Variants in CNTN6 observed in about 807,000 individuals in gnomAD.
The protein encoded by CNTN6 is contactin 6.
A neutral mutation model predicts 122.8 loss-of-function variants in CNTN6; 137 were observed. The ratio of observed to expected loss-of-function variants is 1.12; its 90% CI spans 0.97 to 1.29. CNTN6 has a LOEUF of 1.29. CNTN6 is among the 50% of genes most tolerant of loss of function. CNTN6 has a pLI of 0.00. For missense variants in CNTN6, 1,634 were observed against 1,223.4 expected (o/e 1.34, Z -5.01); for synonymous variants, 570 against 426.0 (o/e 1.34, Z -4.16).
intron 8 of CNTN6, among the ~76,000 whole-genome samples, chr3:1,324,106 C>A (rs1332966038): frequency 6.7e-6 from 1 of 149,536 alleles, no homozygotes; most frequent in Non-Finnish European, 1.5e-5. Context: ...TCTAGTTCTT[C>A]TAAGTTTTGC....
chr3:1,340,243 G>T (rs1044027794), intron 11 of CNTN6, among the ~76,000 whole-genome samples: 1 of 152,024 alleles, frequency 6.6e-6, no homozygotes, highest in Admixed American at 6.6e-5. Context: ...GGAATTCAAG[G>T]CAGTCCTTCA....
At chr3:1,233,993 T>C (rs2094390989) in intron 4 of CNTN6, among the ~76,000 whole-genome samples, 1 of 152,100 alleles carries the variant, frequency 6.6e-6, no homozygotes, top group African/African-American at 2.4e-5. Context: ...CATGTAGGCA[T>C]TTACAATCAT....
At chr3:1,294,883 G>A (rs1430238587) in intron 5 of CNTN6, among the ~76,000 whole-genome samples, 1 of 152,140 alleles carries the variant, frequency 6.6e-6, no homozygotes, top group African/African-American at 2.4e-5. Context: ...AGTAACTGGT[G>A]TGACCTTTAT....
At chr3:1,258,459 C>G (rs2094794268) in intron 4 of CNTN6, among the ~76,000 whole-genome samples, 1 of 152,086 alleles carries the variant, frequency 6.6e-6, no homozygotes. Context: ...ATTTCCCTTT[C>G]ACTGTTGTAA....
At chr3:1,202,297 T>A (rs1434572603) in intron 2 of CNTN6, among the ~76,000 whole-genome samples, 1 of 152,208 alleles carries the variant, frequency 6.6e-6, no homozygotes, top group Non-Finnish European at 1.5e-5. Flanking sequence ...TCCCAGCACT[T>A]CGGAAGGCCG....
intron 2 of CNTN6, among the ~76,000 whole-genome samples, chr3:1,168,546 G>A (rs73105158): frequency 0.061 from 9,248 of 151,366 alleles, 914 homozygotes; most frequent in African/African-American, 0.21. Context: ...GCTCTGAGAC[G>A]TATAGTCACA....
chr3:1,215,195 T>C (rs1325501173), intron 2 of CNTN6, among the ~76,000 whole-genome samples: 4 of 152,260 alleles, frequency 2.6e-5, no homozygotes, highest in African/African-American at 4.8e-5. Flanking sequence ...TTCTGGAACA[T>C]GTTCTTTCCA....
chr3:1,282,434 G>A (rs903693829), intron 5 of CNTN6, among the ~76,000 whole-genome samples: 6 of 152,348 alleles, frequency 3.9e-5, no homozygotes, highest in Admixed American at 6.5e-5. Flanking sequence ...ATTTCAAAAT[G>A]TGGAAGCAGA....
intron 4 of CNTN6, among the ~76,000 whole-genome samples, chr3:1,229,023 T>TACACATAC (rs2094321450): frequency 6.6e-6 from 1 of 152,162 alleles, no homozygotes; most frequent in Admixed American, 6.6e-5. Context: ...ATACACCACA[T>TACACATAC]ACACATACAC....
intron 2 of CNTN6, among the ~76,000 whole-genome samples, chr3:1,220,054 G>A (rs753727636): frequency 1.5e-5 from 2 of 134,216 alleles, no homozygotes; most frequent in Non-Finnish European, 3.2e-5. Context: ...GATTCTTTTG[G>A]TGTAAAAGAT....
intron 7 of CNTN6, among the ~76,000 whole-genome samples, chr3:1,301,118 C>G (rs989217654): frequency 6.2e-5 from 9 of 146,080 alleles, no homozygotes; most frequent in Admixed American, 2.8e-4. Context: ...CTCACTGCAA[C>G]CTCCGCGTCC....
intron 7 of CNTN6, among the ~76,000 whole-genome samples, chr3:1,318,000 T>A (rs1185101781): frequency 6.6e-6 from 1 of 151,552 alleles, no homozygotes; most frequent in Non-Finnish European, 1.5e-5. Context: ...CCCAGTACTG[T>A]ACCCTGAATC....
chr3:1,229,534 A>G (rs905535865), intron 4 of CNTN6, among the ~76,000 whole-genome samples: 1 of 152,102 alleles, frequency 6.6e-6, no homozygotes, highest in Admixed American at 6.5e-5. Context: ...AAATCAATGC[A>G]CTCTTTGATA....
intron 7 of CNTN6, among the ~76,000 whole-genome samples, chr3:1,310,332 G>A (rs954644867): frequency 2.0e-5 from 3 of 152,110 alleles, no homozygotes; most frequent in Admixed American, 6.6e-5. Flanking sequence ...TTTTGGATAG[G>A]TGTTGCATTT....
chr3:1,132,350 A>AT (rs2092357866), intron 1 of CNTN6, among the ~76,000 whole-genome samples: 1 of 152,020 alleles, frequency 6.6e-6, no homozygotes, highest in Non-Finnish European at 1.5e-5. Context: ...ATTACAAAAT[A>AT]TTTTTTCTTT....
intron 11 of CNTN6, among the ~76,000 whole-genome samples, chr3:1,350,513 T>A (rs574140195): frequency 5.3e-5 from 8 of 151,900 alleles, no homozygotes; most frequent in Admixed American, 1.3e-4. Context: ...TATTGATGTG[T>A]TGATTAGGAT....
chr3:1,142,850 A>G (rs1309001267), intron 1 of CNTN6, among the ~76,000 whole-genome samples: 2 of 151,596 alleles, frequency 1.3e-5, no homozygotes, highest in Non-Finnish European at 2.9e-5. Context: ...ATTCGTATGT[A>G]TTTCTATATA....
intron 4 of CNTN6, among the ~76,000 whole-genome samples, chr3:1,234,673 G>A (rs2094399175): frequency 1.3e-5 from 2 of 151,812 alleles, no homozygotes; most frequent in Admixed American, 1.3e-4. Flanking sequence ...ATGCTAAATG[G>A]CTTTTAACCT....
intron 1 of CNTN6, among the ~76,000 whole-genome samples, chr3:1,129,876 T>C (rs1427823234): frequency 6.6e-6 from 1 of 151,972 alleles, no homozygotes. Context: ...ACTCTATTCA[T>C]TTGTATAAAA....
Sources: gnomAD v4.1 joint callset for allele counts (sites outside exome capture counted in the v4.1 genomes callset) on GRCh38, gnomAD v4.1.1 for gene constraint, MANE v1.5 for transcripts, NCBI Gene and HGNC (gene_info 2026-07-23, HGNC 2026-07-21) for gene names.